The following ARMC3 variants were observed in gnomAD, a reference collection of about 807,000 sequenced individuals.
The protein encoded by ARMC3 is armadillo repeat containing 3.
ARMC3 carries 74 observed loss-of-function variants against 90.3 expected under a neutral mutation model. That is an observed-to-expected ratio of 0.82 (90% confidence interval 0.68 to 0.99). The LOEUF (loss-of-function observed/expected upper bound fraction) is 0.99. Ranked by LOEUF, ARMC3 falls within the 50% of genes least tolerant of loss-of-function variation. The probability of loss-of-function intolerance (pLI) is 0.00; values close to 1 mark genes in which losing one functional copy is unlikely to be tolerated. For synonymous variants in ARMC3, 334 were observed against 361.8 expected, an observed-to-expected ratio of 0.92 and a Z score of 0.87; for missense variants, 958 against 1,042.8, an observed-to-expected ratio of 0.92 and a Z score of 1.12.
chr10:23,014,889 CAAAAAAAAAA>C (rs779670823), intron 16 of ARMC3, among the ~76,000 whole-genome samples: 6 of 63,076 alleles, frequency 9.5e-5, no homozygotes, highest in African/African-American at 3.8e-4. Flanking sequence ...ATAATCTGTA[CAAAAAAAAAA>C]AAAAAAAAAA....
intron 2 of ARMC3, among the ~76,000 whole-genome samples, chr10:22,940,694 C>T (rs889747576): frequency 6.6e-6 from 1 of 152,102 alleles, no homozygotes; most frequent in Non-Finnish European, 1.5e-5. Context: ...CTATGTTGCC[C>T]AGGCTGGTCT....
intron 16 of ARMC3, among the ~76,000 whole-genome samples, chr10:23,028,651 T>C (rs1227291266): frequency 6.6e-6 from 1 of 152,238 alleles, no homozygotes; most frequent in East Asian, 1.9e-4. Flanking sequence ...ACCAGGCTTC[T>C]GTGGATTGTC....
rs76866740 is a variant in ARMC3, at chr10:22,943,974, C to A, written c.49-2170C>A. On this transcript the variant is annotated intron_variant, in intron 2 of 18. Transcript: ENST00000298032. ...ATTGTATTATGATTCACATCATCTG[C>A]AGCATTTAGTAAGCTAAACAGCAAA... Among the ~76,000 whole-genome samples, 253 of 152,084 alleles carry A rather than the reference C, an allele frequency of 1.7e-3. 2 individuals carry two copies. Among genetic ancestry groups the A allele is most frequent in the Non-Finnish European group, 2.5e-3 (168 of 67,998 alleles).
chr10:22,997,036 A>G (rs1324629872), intron 10 of ARMC3, among the ~76,000 whole-genome samples: 4 of 151,928 alleles, frequency 2.6e-5, no homozygotes, highest in African/African-American at 9.7e-5. Context: ...CTTGACTTCT[A>G]TTACTATGAT....
chr10:23,000,365 CCTTTA>C (rs1837224132), intron 11 of ARMC3, among the ~76,000 whole-genome samples: 1 of 152,092 alleles, frequency 6.6e-6, no homozygotes, highest in African/African-American at 2.4e-5. Context: ...CCCCAGAAGG[CCTTTA>C]CTTTAGTTTT....
chr10:23,032,250 G>T (rs1295608202), intron 17 of ARMC3, among the ~76,000 whole-genome samples: 2 of 152,100 alleles, frequency 1.3e-5, no homozygotes, highest in Admixed American at 6.6e-5. Flanking sequence ...CATTTATCCT[G>T]CCTTGCCCAC....
At chr10:22,936,529 C>T (rs1444072855) in intron 2 of ARMC3, among the ~76,000 whole-genome samples, 1 of 152,154 alleles carries the variant, frequency 6.6e-6, no homozygotes, top group East Asian at 1.9e-4. Flanking sequence ...AAATTCAAAA[C>T]TTAGCCAAAA....
rs776838203 is a variant in ARMC3 at position 22,959,085 on chromosome 10, T to A, written c.308T>A (p.Leu103Ter). The stretch of plus-strand genomic sequence containing the variant: ...TCCTTTGTAGATGATGTTAAAAAAT[T>A]GTTAAGGGAGTTAGATGTCATGAAT... ...ILASNNDVKKLLRELDVMNSV... is the reference protein window; with the variant it reads ...ILASNNDVKK Residue 103 changes from leucine to a stop codon, truncating the protein, a stop_gained, in exon 5 of 19, where the codon TTG (leucine) becomes TAG (stop). Transcript: ENST00000298032. LOFTEE classifies it high-confidence loss of function. 6.2e-7 allele frequency: 1 copy of A among 1,611,020 alleles called. No homozygotes were observed. The highest frequency in any genetic ancestry group is 1.7e-5 in the Admixed American group (1 of 60,010).
intron 16 of ARMC3, among the ~76,000 whole-genome samples, chr10:23,024,042 CT>C (rs749853390): frequency 7.9e-5 from 12 of 152,234 alleles, no homozygotes; most frequent in Admixed American, 5.9e-4. Flanking sequence ...GAAAACAACA[CT>C]AAGTTAATTA....
chr10:22,995,780 G>C (rs1448399433), intron 10 of ARMC3, among the ~76,000 whole-genome samples: 1 of 152,220 alleles, frequency 6.6e-6, no homozygotes, highest in Non-Finnish European at 1.5e-5. Flanking sequence ...AAAAGATGAT[G>C]TATGACCCTG....
intron 6 of ARMC3, chr10:22,960,106 C>T (rs897589648): frequency 6.6e-6 from 2 of 303,800 alleles, no homozygotes; most frequent in African/African-American, 4.4e-5. Flanking sequence ...CTTCCCCTCC[C>T]CTGCAGTCCT....
intron 7 of ARMC3, among the ~76,000 whole-genome samples, chr10:22,963,932 A>C (rs1157918793): frequency 0.024 from 2,577 of 106,782 alleles, 22 homozygotes; most frequent in African/African-American, 0.029. Flanking sequence ...CAAAAAAAAA[A>C]AAAAAAAAAA....
intron 2 of ARMC3, among the ~76,000 whole-genome samples, chr10:22,945,786 C>A (rs962156664): frequency 1.3e-5 from 2 of 152,084 alleles, no homozygotes; most frequent in African/African-American, 4.8e-5. Context: ...TACTCCTTTC[C>A]TTGTTTCTTT....
intron 16 of ARMC3, among the ~76,000 whole-genome samples, chr10:23,017,056 T>C (rs1184890597): frequency 6.8e-6 from 1 of 146,884 alleles, no homozygotes; most frequent in African/African-American, 2.5e-5. Context: ...TAACTATGTA[T>C]GTGACAATGT....
At chr10:23,014,231 AT>A (rs1838163586) in intron 16 of ARMC3, 8 of 1,524,482 alleles carry the variant, frequency 5.2e-6, no homozygotes, top group Non-Finnish European at 7.1e-6. Flanking sequence ...AATGAAAATG[AT>A]GATCCCTGCC....
At chr10:22,944,980 T>C (rs1834469524) in intron 2 of ARMC3, among the ~76,000 whole-genome samples, 1 of 152,234 alleles carries the variant, frequency 6.6e-6, no homozygotes, top group Non-Finnish European at 1.5e-5. Flanking sequence ...GTAACTTTTA[T>C]AGCTTCTAGT....
At chr10:23,027,394 T>C (rs751655026) in intron 16 of ARMC3, among the ~76,000 whole-genome samples, 6 of 152,240 alleles carry the variant, frequency 3.9e-5, no homozygotes, top group Admixed American at 2.6e-4. Flanking sequence ...CAATTGTAAA[T>C]GCTTCAAACA....
rs372259850 is a variant in ARMC3, at chr10:22,992,895, T to G, written c.1176-5253T>G. On this transcript the variant is annotated intron_variant, in intron 10 of 18. Coordinates refer to ENST00000298032, the MANE Select transcript of ARMC3 (RefSeq NM_173081.5). The stretch of plus-strand genomic sequence containing the variant: ...CAGACTTCCTGCAGCCGGCAAGGCT[T>G]AAAAATGCCAGCTCTGAGTTGCTGC... Among the ~76,000 whole-genome samples, 5 of 152,296 alleles carry G rather than the reference T, an allele frequency of 3.3e-5. No homozygotes were observed. The South Asian group carries it at 6.2e-4, about 19-fold the overall frequency.
At chr10:23,003,447 G>C (rs925765868) in intron 13 of ARMC3, 33 bp downstream of exon 13, 1 of 1,478,908 alleles carries the variant, frequency 6.8e-7, no homozygotes, top group African/African-American at 1.4e-5. Context: ...AGTTTAGTAT[G>C]TACAATAATA....
Sources: gnomAD v4.1 joint callset for allele counts (sites outside exome capture counted in the v4.1 genomes callset) on GRCh38, gnomAD v4.1.1 for gene constraint, MANE v1.5 for transcripts, NCBI Gene and HGNC (gene_info 2026-07-23, HGNC 2026-07-21) for gene names.